NBEA: variants seen among roughly 807,000 people sequenced by gnomAD.
NBEA encodes neurobeachin.
NBEA carries 44 observed loss-of-function variants against 343.4 expected under a neutral mutation model. The observed-to-expected ratio is 0.13, with a 90% CI of 0.10 to 0.16. The LOEUF (loss-of-function observed/expected upper bound fraction) is 0.16, where lower values mean the gene tolerates loss of function less well. Among genes scored for constraint, NBEA ranks in the 10% least tolerant of loss-of-function variants. NBEA has a pLI of 1.00. For missense variants in NBEA, 2,555 were observed against 3,631.3 expected (o/e 0.70, Z 7.62); for synonymous variants, 1,175 against 1,238.7 (o/e 0.95, Z 1.08).
intron 18 of NBEA, among the ~76,000 whole-genome samples, chr13:35,150,648 T>A (rs1321225062): frequency 6.6e-6 from 1 of 152,260 alleles, no homozygotes; most frequent in African/African-American, 2.4e-5. Context: ...AAATGTTTTT[T>A]TAATCTTCAT....
chr13:35,095,601 A>G (rs868477132), intron 10 of NBEA, among the ~76,000 whole-genome samples: 8 of 151,930 alleles, frequency 5.3e-5, no homozygotes, highest in Middle Eastern at 3.4e-3. Context: ...AAGAAAAAAC[A>G]CCCACTAGGT....
chr13:34,963,384 C>A (rs2059719146), intron 1 of NBEA, among the ~76,000 whole-genome samples: 1 of 151,912 alleles, frequency 6.6e-6, no homozygotes, highest in Admixed American at 6.6e-5. Context: ...CATATGATTT[C>A]ATTTTATCTG....
intron 1 of NBEA, among the ~76,000 whole-genome samples, chr13:35,011,343 A>G (rs896072109): frequency 1.3e-5 from 2 of 152,180 alleles, no homozygotes; most frequent in African/African-American, 2.4e-5. Context: ...AGATAATTTC[A>G]CCTTCTCATC....
chr13:35,554,514 A>G (rs1175874035), intron 43 of NBEA, among the ~76,000 whole-genome samples: 1 of 152,186 alleles, frequency 6.6e-6, no homozygotes, highest in Admixed American at 6.5e-5. Flanking sequence ...AGGGATAGAT[A>G]TTGTACGGGC....
In NBEA at chr13:35,486,682, T is replaced by C. The variant is rs374386911; in HGVS notation, c.6585+14146T>C. Among the ~76,000 whole-genome samples the C allele has an allele frequency of 1.6e-4, 24 of 152,186 alleles. No individual in the cohort carries two copies. The East Asian group carries it at 3.9e-3, about 25-fold the overall frequency. On this transcript the variant is annotated intron_variant, in intron 41 of 58. Transcript: ENST00000379939. ...TATGTCCATAGCCAGATATAATTCA[T>C]AGAAACTGCTACTAGGCTTGCATTT...
intron 45 of NBEA, among the ~76,000 whole-genome samples, chr13:35,579,041 T>C (rs562060288): frequency 6.6e-6 from 1 of 152,308 alleles, no homozygotes; most frequent in Admixed American, 6.5e-5. Flanking sequence ...TTTTGGAATT[T>C]GGAGCATTCC....
rs200590628 is a variant in NBEA at position 35,156,151 on chromosome 13, C to T, written c.2596C>T (p.Arg866Cys). 5.7e-6 allele frequency: 9 copies of T among 1,590,590 alleles called. No individual in the cohort carries two copies. In the African/African-American group the frequency reaches 8.1e-5, roughly 14 times the overall value. Reference sequence around the variant, plus strand: ...AAGTGCAGAGCTGATGGAAGTTCGTCGTTTATTTTTATCTGATATGATAAA... The same window carrying T: ...AAGTGCAGAGCTGATGGAAGTTCGTTGTTTATTTTTATCTGATATGATAAA... The part of the protein sequence containing the change: ...TPSAELMEVR[R>C]LFLSDMIKLF... The change falls in exon 20 of 59, where the codon CGT becomes TGT. Residue 866 changes from arginine (R) to cysteine (C), a missense_variant. Arg to Cys is a radical substitution (Grantham distance 180). This residue lies in a region of NBEA where 360 missense variants were observed against 519.1 expected (regional missense o/e 0.69). Transcript: ENST00000379939.
chr13:35,033,414 A>G (rs550545154), intron 1 of NBEA, among the ~76,000 whole-genome samples: 306 of 152,030 alleles, frequency 2.0e-3, no homozygotes, highest in Non-Finnish European at 3.4e-3. Flanking sequence ...ATAGCTCTGT[A>G]ATATAATTTG....
chr13:35,110,804 T>C lies in NBEA; in HGVS notation c.1834-6T>C. ...ATTTTAATGATCTGTTAATATTCTG[T>C]ATTAGGTTCAGCTTTCCCTATACAC... On this transcript the variant is annotated splice_region_variant and splice_polypyrimidine_tract_variant and intron_variant, in intron 12 of 58. Transcript: ENST00000379939. 3 of 1,604,984 alleles carry C rather than the reference T, an allele frequency of 1.9e-6. No individual in the cohort carries two copies. Among genetic ancestry groups the C allele is most frequent in the Non-Finnish European group, 2.6e-6 (3 of 1,172,490 alleles).
chr13:35,240,064 T>C (rs1372685761), intron 34 of NBEA, among the ~76,000 whole-genome samples: 3 of 150,664 alleles, frequency 2.0e-5, no homozygotes. Flanking sequence ...AAATCGCAAT[T>C]ACTTTTGCAC....
At chr13:35,275,185 G>C (rs1039192291) in intron 34 of NBEA, among the ~76,000 whole-genome samples, 3 of 152,090 alleles carry the variant, frequency 2.0e-5, no homozygotes, top group Non-Finnish European at 4.4e-5. Context: ...TGGAACAGAG[G>C]CCTCAGAAAT....
At chr13:35,285,445 A>G (rs1047724282) in intron 34 of NBEA, among the ~76,000 whole-genome samples, 2 of 152,178 alleles carry the variant, frequency 1.3e-5, no homozygotes, top group African/African-American at 2.4e-5. Flanking sequence ...GATAGAAAAT[A>G]AATTGGTATC....
In NBEA at chr13:35,145,973, G is replaced by C. The variant is rs117431121; in HGVS notation, c.2445+3596G>C. 3.3e-5 allele frequency among the ~76,000 whole-genome samples: 5 copies of C among 152,290 alleles called. No individual in the cohort carries two copies. In the South Asian group the frequency reaches 8.3e-4, roughly 25 times the overall value. ...CCTCACCTGGCTTCTTGTTTGAGGA[G>C]ATATTGATGCTTATGTGGGAAATTA... On this transcript the variant is annotated intron_variant, in intron 18 of 58. Coordinates refer to ENST00000379939, the MANE Select transcript of NBEA (RefSeq NM_001385012.1).
chr13:35,051,220 T>C (rs2063053936), intron 6 of NBEA, among the ~76,000 whole-genome samples: 1 of 151,988 alleles, frequency 6.6e-6, no homozygotes, highest in Admixed American at 6.6e-5. Flanking sequence ...GGGTTCTTTC[T>C]TGGGTATATG....
At chr13:35,283,258 C>T (rs1457334994) in intron 34 of NBEA, among the ~76,000 whole-genome samples, 1 of 152,070 alleles carries the variant, frequency 6.6e-6, no homozygotes, top group African/African-American at 2.4e-5. Flanking sequence ...TAGGCTGTAT[C>T]AACACAATGA....
At chr13:35,174,938 G>A (rs1481698033) in intron 27 of NBEA, among the ~76,000 whole-genome samples, 2 of 151,770 alleles carry the variant, frequency 1.3e-5, no homozygotes, top group Admixed American at 6.6e-5. Flanking sequence ...GACTACAGAT[G>A]TGTGCCACCA....
At chr13:35,010,761 T>TAC (rs1202568463) in intron 1 of NBEA, among the ~76,000 whole-genome samples, 2 of 111,190 alleles carry the variant, frequency 1.8e-5, no homozygotes, top group African/African-American at 7.4e-5. Flanking sequence ...TATATATATA[T>TAC]ATATATATAT....
chr13:35,004,744 G>A (rs185681021), intron 1 of NBEA, among the ~76,000 whole-genome samples: 11 of 152,304 alleles, frequency 7.2e-5, no homozygotes, highest in African/African-American at 2.6e-4. Context: ...ATGACATGAT[G>A]AAGATGAAGG....
At chr13:35,014,552 T>C (rs1189838083) in intron 1 of NBEA, among the ~76,000 whole-genome samples, 1 of 152,182 alleles carries the variant, frequency 6.6e-6, no homozygotes, top group African/African-American at 2.4e-5. Context: ...CTGATGTACC[T>C]AGCTCACTAA....
Sources: allele counts gnomAD v4.1 joint callset (sites outside exome capture counted in the v4.1 genomes callset), GRCh38; gene constraint gnomAD v4.1.1; regional missense constraint gnomAD v4.1.1; transcripts MANE v1.5; gene names NCBI Gene and HGNC (gene_info 2026-07-23, HGNC 2026-07-21).